Variants in CYB5R4 observed in about 807,000 individuals in gnomAD.
CYB5R4 encodes the protein cytochrome b5 reductase 4, also known as N-terminal cytochrome b5 and cytochrome b5 oxidoreductase domain-containing protein.
CYB5R4 carries 55 observed loss-of-function variants against 70.2 expected under a neutral mutation model. The ratio of observed to expected loss-of-function variants is 0.78; its 90% CI spans 0.63 to 0.98. The LOEUF (loss-of-function observed/expected upper bound fraction) is 0.98. Ranked by LOEUF, CYB5R4 falls within the 50% of genes least tolerant of loss-of-function variation. The probability of loss-of-function intolerance (pLI) is 0.00; values close to 1 mark genes in which losing one functional copy is unlikely to be tolerated. For missense variants in CYB5R4, 562 were observed against 612.6 expected (o/e 0.92, Z 0.87); for synonymous variants, 197 against 199.5 (o/e 0.99, Z 0.11).
intron 3 of CYB5R4, 149 bp from the exon 4 acceptor site, chr6:83,908,860 C>T (rs61762810): frequency 8.3e-6 from 5 of 604,384 alleles, no homozygotes; most frequent in Non-Finnish European, 1.5e-5. Flanking sequence ...GCCTTTCTAT[C>T]ACACCCTGGT....
intron 2 of CYB5R4, among the ~76,000 whole-genome samples, chr6:83,871,365 G>A (rs986182785): frequency 1.3e-5 from 2 of 152,154 alleles, no homozygotes; most frequent in Non-Finnish European, 2.9e-5. Context: ...TTTGTCGATT[G>A]TATTAATTCC....
rs1026947865 is a variant in CYB5R4, at chr6:83,916,767, T to C, written c.446-1238T>C. Among the ~76,000 whole-genome samples, 8 of 152,270 alleles carry C rather than the reference T, an allele frequency of 5.3e-5. No individual in the cohort carries two copies. In the Middle Eastern group the frequency reaches 0.014, roughly 259 times the overall value. Reference sequence around the variant, plus strand: ...TACATCTTACTTGCACTTGAGCTTGTCTTGAAACAAAACGTTTGTGTCTAA... The same window carrying C: ...TACATCTTACTTGCACTTGAGCTTGCCTTGAAACAAAACGTTTGTGTCTAA... On this transcript the variant is annotated intron_variant, in intron 5 of 15. Coordinates refer to ENST00000369681, the MANE Select transcript of CYB5R4 (RefSeq NM_016230.4).
intron 1 of CYB5R4, among the ~76,000 whole-genome samples, chr6:83,863,095 C>G (rs1260322939): frequency 6.6e-6 from 1 of 152,148 alleles, no homozygotes; most frequent in Non-Finnish European, 1.5e-5. Flanking sequence ...TGAAAATGTT[C>G]TGGTCAAAGT....
At chr6:83,946,650 A>T (rs1434987133) in intron 14 of CYB5R4, among the ~76,000 whole-genome samples, 1 of 152,232 alleles carries the variant, frequency 6.6e-6, no homozygotes, top group Non-Finnish European at 1.5e-5. Flanking sequence ...TCCAGATGAC[A>T]TGATTGTATA....
chr6:83,907,561 G>T (rs938310850), intron 3 of CYB5R4, among the ~76,000 whole-genome samples: 1 of 151,476 alleles, frequency 6.6e-6, no homozygotes, highest in Non-Finnish European at 1.5e-5. Flanking sequence ...AGGATTCATT[G>T]TACAGATTAT....
chr6:83,866,704 C>A (rs893781213), intron 2 of CYB5R4, among the ~76,000 whole-genome samples: 37 of 152,010 alleles, frequency 2.4e-4, no homozygotes, highest in African/African-American at 8.5e-4. Context: ...CATCCTTGAC[C>A]TCCTGAGCTC....
At chr6:83,882,347 A>G (rs1333563649) in intron 2 of CYB5R4, among the ~76,000 whole-genome samples, 1 of 152,200 alleles carries the variant, frequency 6.6e-6, no homozygotes, top group African/African-American at 2.4e-5. Context: ...AGAGAAGGGT[A>G]TAAACTGTCT....
rs1162425371 is a variant in CYB5R4, at chr6:83,961,900, T to G, written c.*2022T>G. ...TTTTGTTTATATTTTATTTATATTT[T>G]GTTTATATTTTGTTATATTTTATTA... is the stretch of plus-strand genomic sequence containing the variant. On this transcript the variant is annotated 3_prime_UTR_variant, in exon 16 of 16. Transcript: ENST00000369681. 2 of 149,868 alleles carry G rather than the reference T, an allele frequency of 1.3e-5. No individual in the cohort carries two copies. The highest frequency in any genetic ancestry group is 6.6e-5 in the Admixed American group (1 of 15,162). The allele number at this position is 149,868 out of a possible 1,614,324, so 9.3% of individuals were successfully genotyped here. A position where few individuals can be genotyped will look rare whatever the true frequency, so the allele number is the denominator to read the frequency against.
At chr6:83,909,980 G>GT in intron 4 of CYB5R4, 2 of 1,552,052 alleles carry the variant, frequency 1.3e-6, no homozygotes, top group Non-Finnish European at 1.8e-6. Context: ...ATATGCATTA[G>GT]TTTTTTATTA....
intron 14 of CYB5R4, among the ~76,000 whole-genome samples, chr6:83,944,669 G>A (rs1490723004): frequency 6.6e-6 from 1 of 152,056 alleles, no homozygotes; most frequent in African/African-American, 2.4e-5. Context: ...AGACCCATCA[G>A]TGTGCCGTGT....
At chr6:83,896,335 C>A (rs1229759736) in intron 3 of CYB5R4, among the ~76,000 whole-genome samples, 6 of 152,188 alleles carry the variant, frequency 3.9e-5, no homozygotes, top group African/African-American at 7.2e-5. Flanking sequence ...GTGGCTCACC[C>A]CTGACAGGGA....
At chr6:83,934,866 T>G in intron 11 of CYB5R4, 131 bp downstream of exon 11, 1 of 810,662 alleles carries the variant, frequency 1.2e-6, no homozygotes, top group Non-Finnish European at 1.9e-6. Flanking sequence ...TTAGTGATAG[T>G]CAGAATGTAG....
At chr6:83,861,077 A>T (rs1372956035) in intron 1 of CYB5R4, among the ~76,000 whole-genome samples, 13 of 152,228 alleles carry the variant, frequency 8.5e-5, no homozygotes, top group Non-Finnish European at 1.8e-4. Flanking sequence ...GAAGCTAAAT[A>T]CTTGACTGAA....
chr6:83,875,666 A>G (rs2099458413), intron 2 of CYB5R4, among the ~76,000 whole-genome samples: 1 of 152,196 alleles, frequency 6.6e-6, no homozygotes, highest in South Asian at 2.1e-4. Flanking sequence ...TGAGAGTAAG[A>G]GGAGGAACGC....
chr6:83,942,167 T>A (rs562040194), intron 14 of CYB5R4, among the ~76,000 whole-genome samples: 2 of 152,304 alleles, frequency 1.3e-5, no homozygotes, highest in African/African-American at 4.8e-5. Flanking sequence ...GAATTTAAAC[T>A]GGTCGATTCC....
chr6:83,940,426 A>T (rs530728155), intron 13 of CYB5R4, 89 bp from the exon 14 acceptor site: 2 of 1,288,926 alleles, frequency 1.6e-6, no homozygotes, highest in South Asian at 3.2e-5. Flanking sequence ...GCACTAAAAC[A>T]TTCACACTGG....
intron 14 of CYB5R4, among the ~76,000 whole-genome samples, chr6:83,948,344 A>T (rs773502624): frequency 1.3e-5 from 2 of 152,200 alleles, no homozygotes; most frequent in African/African-American, 2.4e-5. Flanking sequence ...AGGAAGGGGA[A>T]CATCACACAA....
chr6:83,926,800 C>A (rs2099467360), intron 10 of CYB5R4, among the ~76,000 whole-genome samples: 1 of 152,138 alleles, frequency 6.6e-6, no homozygotes, highest in African/African-American at 2.4e-5. Context: ...TAGGGGAGGA[C>A]TTCAAGGGGA....
At chr6:83,882,069 T>G (rs1277936512) in intron 2 of CYB5R4, among the ~76,000 whole-genome samples, 3 of 152,200 alleles carry the variant, frequency 2.0e-5, no homozygotes. Context: ...TCAGACCACA[T>G]ATTTTAAAAT....
Sources: allele counts gnomAD v4.1 joint callset (sites outside exome capture counted in the v4.1 genomes callset), GRCh38; gene constraint gnomAD v4.1.1; transcripts MANE v1.5; gene names NCBI Gene and HGNC (gene_info 2026-07-23, HGNC 2026-07-21).